The following COL5A1 variants were observed in gnomAD, a reference collection of about 807,000 sequenced individuals.
COL5A1 encodes the protein collagen type V alpha 1 chain, also known as collagen alpha-1(V) chain.
In COL5A1, 16 loss-of-function variants were observed where a neutral mutation model predicts 263.7. The observed-to-expected ratio is 0.06, with a 90% CI of 0.04 to 0.09. COL5A1 has a LOEUF of 0.09. COL5A1 is among the 10% of genes least tolerant of loss of function. The pLI is 1.00. For missense variants in COL5A1, 2,036 were observed against 2,540.5 expected (o/e 0.80, Z 4.27); for synonymous variants, 1,012 against 1,004.5 (o/e 1.01, Z -0.14).
intron 1 of COL5A1, among the ~76,000 whole-genome samples, chr9:134,667,978 G>T (rs1307352712): frequency 2.0e-5 from 3 of 152,220 alleles, no homozygotes; most frequent in Admixed American, 1.3e-4. Flanking sequence ...ACACAGAGCT[G>T]TGAGGGGTGG....
In COL5A1 at chr9:134,824,625, C is replaced by T; in HGVS notation, c.4724C>T (p.Pro1575Leu). Reference protein sequence around the residue: ...PPGPPGEVIQPLPIQASRTRR... With the variant: ...PPGPPGEVIQLLPIQASRTRR... ...GGCCCCCCGGGAGAGGTCATCCAGC[C>T]CCTGCCAATCCAGGCATCCAGGACG... The change falls in exon 62 of 66, where the codon CCC (proline) becomes CTC (leucine). Residue 1575 changes from proline to leucine, a missense_variant. By Grantham distance (98) the Pro-to-Leu change is moderately conservative (BLOSUM62 -3). This residue lies in a region of COL5A1 where 358 missense variants were observed against 384.6 expected (regional missense o/e 0.93). Transcript: ENST00000371817. 1 of 1,614,178 alleles carries T rather than the reference C, an allele frequency of 6.2e-7. No individual in the cohort carries two copies. Among genetic ancestry groups the T allele is most frequent in the Non-Finnish European group, 8.5e-7 (1 of 1,180,038 alleles).
intron 11 of COL5A1, among the ~76,000 whole-genome samples, chr9:134,748,004 C>T (rs1482793187): frequency 6.8e-6 from 1 of 146,242 alleles, no homozygotes; most frequent in Non-Finnish European, 1.5e-5. Flanking sequence ...CACACATACA[C>T]ATGCATTCAC....
chr9:134,825,614 A>C (rs1839233565), intron 62 of COL5A1, among the ~76,000 whole-genome samples, 178 bp from the exon 63 acceptor site: 1 of 152,186 alleles, frequency 6.6e-6, no homozygotes, highest in African/African-American at 2.4e-5. Flanking sequence ...ACATCTCTTT[A>C]TGGGCCCAGC....
In COL5A1 at chr9:134,785,059, A is replaced by G. The variant is rs148146480; in HGVS notation, c.2555A>G (p.Asn852Ser). ...PEGPKGRGGP[N>S]GDPGPLGPPG... ...GGCCCAAAGGGTCGCGGAGGTCCCA[A>G]TGGTGACCCCGGTCCTCTGGGACCC... Residue 852 changes from asparagine (N) to serine (S), a missense_variant, in exon 30 of 66, where the codon AAT (asparagine) becomes AGT (serine). This residue lies in a region of COL5A1 where 1,078 missense variants were observed against 1,521.4 expected (regional missense o/e 0.71). Transcript: ENST00000371817. 2.5e-4 allele frequency: 404 copies of G among 1,613,436 alleles called. No individual in the cohort carries two copies. Among genetic ancestry groups the G allele is most frequent in the Admixed American group, 2.8e-4 (17 of 60,028 alleles).
chr9:134,747,697 GCA>G (rs1414359794), intron 11 of COL5A1, among the ~76,000 whole-genome samples: 2 of 128,480 alleles, frequency 1.6e-5, no homozygotes, highest in African/African-American at 6.1e-5. Flanking sequence ...GCAAACACAT[GCA>G]CACATGCATT....
In COL5A1 at chr9:134,834,963, C is replaced by T. The variant is rs374377228; in HGVS notation, c.5137-8C>T. On this transcript the variant is annotated splice_region_variant and splice_polypyrimidine_tract_variant and intron_variant, in intron 64 of 65. Coordinates refer to ENST00000371817, the MANE Select transcript of COL5A1 (RefSeq NM_000093.5). ...CCCTGCTGAGCCCCAACACCCCTGTCCCCCCAGCTCTCCTATGTGGACGCC... is the reference window on the plus strand; with the variant it reads ...CCCTGCTGAGCCCCAACACCCCTGTTCCCCCAGCTCTCCTATGTGGACGCC... The T allele has an allele frequency of 3.0e-5, 48 of 1,601,814 alleles. No homozygotes were observed. In the African/African-American group the frequency reaches 5.1e-4, roughly 17 times the overall value.
At chr9:134,834,876 C>T (rs1057332183) in intron 64 of COL5A1, 95 bp from the exon 65 acceptor site, 2 of 902,860 alleles carry the variant, frequency 2.2e-6, no homozygotes, top group Admixed American at 2.0e-5. Flanking sequence ...CCGAGAAGAC[C>T]ACAGTGTGAG....
chr9:134,667,709 C>G (rs1025488501), intron 1 of COL5A1, among the ~76,000 whole-genome samples: 4 of 152,198 alleles, frequency 2.6e-5, no homozygotes, highest in Non-Finnish European at 1.5e-5. Context: ...AGCCCAGACA[C>G]AAGATTTGAA....
rs1837293442 is a variant in COL5A1 at position 134,782,469 on chromosome 9, C to A, written c.2431-198C>A. 6 of 676,922 alleles carry A rather than the reference C, an allele frequency of 8.9e-6. No individual in the cohort carries two copies. In the South Asian group the frequency reaches 1.0e-4, roughly 11 times the overall value. The allele number at this position is 676,922 out of a possible 1,614,324, so 41.9% of individuals were successfully genotyped here. On this transcript the variant is annotated intron_variant, in intron 28 of 65. Coordinates refer to ENST00000371817, the MANE Select transcript of COL5A1 (RefSeq NM_000093.5). ...GACGCAGCTCTCTCCAGCTTCAGAA[C>A]GTTACAGCTGGGAACGCAGAGCTCA... is the stretch of plus-strand genomic sequence containing the variant.
At position 134,822,911 on chromosome 9, in the gene COL5A1, G is replaced by GA. The variant is rs1839075587; in HGVS notation, c.4609-87_4609-86insA. The GA allele has an allele frequency of 1.3e-5, 20 of 1,494,340 alleles. No homozygotes were observed. The South Asian group carries it at 2.3e-4, about 17-fold the overall frequency. The allele number at this position is 1,494,340 out of a possible 1,614,324, so 92.6% of individuals were successfully genotyped here. ...GATGCGGGTGGGAGAGGGGCGAGGGGCGAGACCAGGCTGGGCAGGACATGG... is the reference window on the plus strand; with the variant it reads ...GATGCGGGTGGGAGAGGGGCGAGGGGACGAGACCAGGCTGGGCAGGACATGG... On this transcript the variant is annotated intron_variant, in intron 59 of 65. Transcript: ENST00000371817.
chr9:134,836,437 C>A (rs2132930379), intron 65 of COL5A1, among the ~76,000 whole-genome samples: 1 of 152,350 alleles, frequency 6.6e-6, no homozygotes, highest in East Asian at 1.9e-4. Context: ...AACACTGGGA[C>A]CACATTTCAA....
At position 134,825,903 on chromosome 9, in the gene COL5A1, G is replaced by A. The variant is rs769417779; in HGVS notation, c.5066G>A (p.Gly1689Glu). The A allele has an allele frequency of 2.5e-6, 4 of 1,607,802 alleles. No individual in the cohort carries two copies. In the Admixed American group the frequency reaches 5.0e-5, roughly 20 times the overall value. ...TCVFPDKKSE[G>E]ARITSWPKEN... is the part of the protein sequence containing the mutation. ...GTCTTCCCTGACAAGAAGTCCGAAG[G>A]GGTGAGTAGCTGTGTCCCTCCATGG... is the stretch of plus-strand genomic sequence containing the variant. The change falls in exon 63 of 66, where the codon GGG (glycine) becomes GAG (glutamate). Residue 1689 changes from glycine (G) to glutamate (E), a missense_variant and splice_region_variant. Gly to Glu is a moderately conservative substitution (Grantham distance 98, BLOSUM62 -2). Around this residue, in one of 3 missense-constraint regions of COL5A1, gnomAD observed 358 missense variants for 384.6 expected, o/e 0.93. Transcript: ENST00000371817.
Position 134,754,051 on chromosome 9 carries a change from G to C in COL5A1, c.1773+148G>C. On this transcript the variant is annotated intron_variant, in intron 15 of 65. Transcript: ENST00000371817. This position sits in a 1 kb window ranked among gnomAD's most constrained non-coding sequence, Gnocchi z 4.3. ...TGCTTTACGCAGTGCTGAGGGTGGA[G>C]CACAATGAACTCTGACACCTGCGGC... 1 of 836,210 alleles carries C rather than the reference G, an allele frequency of 1.2e-6. No homozygotes were observed. Among genetic ancestry groups the C allele is most frequent in the Non-Finnish European group, 2.0e-6 (1 of 504,928 alleles). 51.8% of individuals were successfully genotyped at this position (836,210 alleles called of 1,614,324 possible).
chr9:134,760,165 ATACATGCACACACACATACACCC>A (rs2132708762), intron 18 of COL5A1, among the ~76,000 whole-genome samples: 1 of 121,836 alleles, frequency 8.2e-6, no homozygotes, highest in African/African-American at 3.1e-5. Context: ...ATGCACACAC[ATACATGCACACACACATACACCC>A]CCACACCCCC....
At chr9:134,814,937 C>T (rs1160361436) in intron 50 of COL5A1, 33 bp downstream of exon 50, 10 of 1,475,024 alleles carry the variant, frequency 6.8e-6, no homozygotes, top group Non-Finnish European at 8.3e-6. Flanking sequence ...AGGGGCCCTG[C>T]AGCAGGGGCG....
chr9:134,725,679 G>T (rs113120262), intron 4 of COL5A1, among the ~76,000 whole-genome samples: 7 of 152,216 alleles, frequency 4.6e-5, no homozygotes, highest in Non-Finnish European at 8.8e-5. Flanking sequence ...GTGCTTGCAT[G>T]CTTTTCCCGG....
chr9:134,774,092 C>T (rs1400791503), intron 26 of COL5A1, among the ~76,000 whole-genome samples: 1 of 152,266 alleles, frequency 6.6e-6, no homozygotes, highest in African/African-American at 2.4e-5. Flanking sequence ...GCCCACTGTT[C>T]TGAGAGCTGG....
chr9:134,761,993 G>A lies in COL5A1; in HGVS notation c.1989+15G>A, dbSNP rs765969450. The stretch of plus-strand genomic sequence containing the variant: ...ATGGAGAAAGGGTAGGTATTCTGCC[G>A]TCCCTCCGACTGCTCCTGCCTGCCC... On this transcript the variant is annotated intron_variant, in intron 19 of 65. Transcript: ENST00000371817. 24 of 1,612,830 alleles carry A rather than the reference G, an allele frequency of 1.5e-5. No individual in the cohort carries two copies. Among genetic ancestry groups the A allele is most frequent in the Middle Eastern group, 1.6e-4 (1 of 6,074 alleles).
intron 1 of COL5A1, among the ~76,000 whole-genome samples, chr9:134,667,113 C>T (rs1294837070): frequency 4.6e-5 from 7 of 152,246 alleles, no homozygotes; most frequent in Admixed American, 2.0e-4. Flanking sequence ...AGGAACCATA[C>T]GACTGAGAGC....
Sources: gnomAD v4.1 joint callset for allele counts (sites outside exome capture counted in the v4.1 genomes callset) on GRCh38, gnomAD v4.1.1 for gene constraint, gnomAD v4.1.1 regional missense constraint, Gnocchi (gnomAD v3.1) non-coding constraint, MANE v1.5 for transcripts, NCBI Gene and HGNC (gene_info 2026-07-23, HGNC 2026-07-21) for gene names.